Variants in LAMC1 observed in about 807,000 individuals in gnomAD.
The protein encoded by LAMC1 is laminin subunit gamma-1.
In LAMC1, 38 loss-of-function variants were observed where a neutral mutation model predicts 173.6. The observed-to-expected ratio is 0.22, with a 90% CI of 0.17 to 0.29. The LOEUF is 0.29. Among genes scored for constraint, LAMC1 ranks in the 10% least tolerant of loss-of-function variants. LAMC1 has a pLI of 1.00. For missense variants in LAMC1, 1,824 were observed against 2,051.8 expected, an observed-to-expected ratio of 0.89 and a Z score of 2.14; for synonymous variants, 746 against 749.1, an observed-to-expected ratio of 1.00 and a Z score of 0.07.
intron 1 of LAMC1, among the ~76,000 whole-genome samples, chr1:183,075,798 G>A (rs1655109801): frequency 1.3e-5 from 2 of 152,162 alleles, no homozygotes; most frequent in Admixed American, 6.5e-5. Flanking sequence ...ATAGTAGAGT[G>A]ATTGGAATGA....
chr1:183,110,741 C>T, intron 4 of LAMC1, 87 bp downstream of exon 4: 13 of 1,370,868 alleles, frequency 9.5e-6, no homozygotes, highest in Non-Finnish European at 1.3e-5. Flanking sequence ...TTTATTCCTC[C>T]TTGAAAGGAA....
At chr1:183,116,117 G>A (rs1292594970) in intron 6 of LAMC1, among the ~76,000 whole-genome samples, 6 of 133,794 alleles carry the variant, frequency 4.5e-5, no homozygotes, top group Non-Finnish European at 6.5e-5. Context: ...GTGACAGAGC[G>A]AGACTCTGTC....
intron 1 of LAMC1, among the ~76,000 whole-genome samples, chr1:183,050,962 A>G (rs1450359638): frequency 6.6e-6 from 1 of 151,624 alleles, no homozygotes; most frequent in Non-Finnish European, 1.5e-5. Context: ...TAGATGTTAC[A>G]GTCCTAAATT....
rs180825914 is a variant in LAMC1 at position 183,066,936 on chromosome 1, C to G, written c.419-36392C>G. On this transcript the variant is annotated intron_variant, in intron 1 of 27. Transcript: ENST00000258341. ...CTATGTAACAAACCTGCACATTCTG[C>G]ACATGTATCTGAGAACTTAAAGTAT... Among the ~76,000 whole-genome samples, 549 of 152,072 alleles carry G rather than the reference C, an allele frequency of 3.6e-3. 1 individual carries two copies. Among genetic ancestry groups the G allele is most frequent in the Non-Finnish European group, 5.3e-3 (359 of 67,994 alleles).
At chr1:183,081,288 A>G (rs145376934) in intron 1 of LAMC1, among the ~76,000 whole-genome samples, 3 of 152,150 alleles carry the variant, frequency 2.0e-5, no homozygotes, top group Admixed American at 6.5e-5. Context: ...AAATTTAGTA[A>G]TACTGTTTAA....
chr1:183,034,550 C>T (rs181839544), intron 1 of LAMC1, among the ~76,000 whole-genome samples: 26 of 152,278 alleles, frequency 1.7e-4, no homozygotes, highest in South Asian at 1.0e-3. Flanking sequence ...GGATTACAGG[C>T]GTGAGCCACC....
Position 183,142,903 on chromosome 1 carries a change from C to T in LAMC1, c.*113C>T. On this transcript the variant is annotated 3_prime_UTR_variant, in exon 28 of 28. Transcript: ENST00000258341. ...AGACCCCCACTCCTCTGCTGCTGTC[C>T]ATGACTGTCCTTTTGAACCAGGAAA... 2.6e-6 allele frequency: 3 copies of T among 1,133,234 alleles called. No homozygotes were observed. The highest frequency in any genetic ancestry group is 1.3e-6 in the Non-Finnish European group (1 of 798,062). The allele number at this position is 1,133,234 out of a possible 1,614,324, so 70.2% of individuals were successfully genotyped here. A position where few individuals can be genotyped will look rare whatever the true frequency, so the allele number is the denominator to read the frequency against.
At position 183,108,780 on chromosome 1, in the gene LAMC1, G is replaced by A. The variant is rs148640894; in HGVS notation, c.854+374G>A. ...CCTTCTTGGATCTTACACATGAACA[G>A]GGTAGGCAATGTATGAATATGTGAA... On this transcript the variant is annotated intron_variant, in intron 3 of 27. Transcript: ENST00000258341. 7.0e-4 allele frequency among the ~76,000 whole-genome samples: 106 copies of A among 152,324 alleles called. 1 individual carries two copies. Among genetic ancestry groups the A allele is most frequent in the Admixed American group, 2.6e-3 (40 of 15,294 alleles).
chr1:183,029,769 G>C (rs1353723867), intron 1 of LAMC1, among the ~76,000 whole-genome samples: 1 of 152,148 alleles, frequency 6.6e-6, no homozygotes, highest in Non-Finnish European at 1.5e-5. Context: ...AAACCATGAA[G>C]TTTTTGAAGG....
At chr1:183,133,585 G>A (rs762996895) in intron 22 of LAMC1, 35 bp downstream of exon 22, 50 of 1,566,096 alleles carry the variant, frequency 3.2e-5, no homozygotes, top group East Asian at 3.0e-4. Context: ...GCCCCACCCC[G>A]TCTCTCCCCC....
At chr1:183,140,175 CT>C (rs1657066454) in intron 26 of LAMC1, among the ~76,000 whole-genome samples, 1 of 137,488 alleles carries the variant, frequency 7.3e-6, no homozygotes, top group East Asian at 2.3e-4. Flanking sequence ...GGCATCCTGA[CT>C]GCCTAGTCAT....
chr1:183,037,659 CTT>C, intron 1 of LAMC1, among the ~76,000 whole-genome samples: 1 of 152,212 alleles, frequency 6.6e-6, no homozygotes, highest in East Asian at 1.9e-4. Context: ...TCCTCTCTCT[CTT>C]TCTGCCTCCC....
chr1:183,100,688 G>C (rs1459636795), intron 1 of LAMC1, among the ~76,000 whole-genome samples: 1 of 152,168 alleles, frequency 6.6e-6, no homozygotes, highest in East Asian at 1.9e-4. Context: ...TACTTCCCCT[G>C]TCATGGAGTC....
At chr1:183,131,659 G>T (rs1001413729) in intron 20 of LAMC1, among the ~76,000 whole-genome samples, 1 of 152,004 alleles carries the variant, frequency 6.6e-6, no homozygotes, top group Non-Finnish European at 1.5e-5. Flanking sequence ...AATATTTTTA[G>T]ATTTTTAACT....
intron 1 of LAMC1, among the ~76,000 whole-genome samples, chr1:183,084,945 G>GAA (rs1378488883): frequency 9.9e-5 from 15 of 152,258 alleles, no homozygotes; most frequent in African/African-American, 2.6e-4. Context: ...AGGAAGAAAT[G>GAA]TAAATTTGGC....
intron 1 of LAMC1, among the ~76,000 whole-genome samples, chr1:183,099,817 C>G (rs1655787623): frequency 6.6e-6 from 1 of 152,134 alleles, no homozygotes; most frequent in Non-Finnish European, 1.5e-5. Flanking sequence ...TGCTCACATC[C>G]AGCTCCCTAC....
In LAMC1 at chr1:183,023,557, G is replaced by T. The variant is rs904695765; in HGVS notation, c.-160G>T. 1.6e-5 allele frequency: 6 copies of T among 382,386 alleles called. No homozygotes were observed. The highest frequency in any genetic ancestry group is 1.3e-4 in the African/African-American group (6 of 46,408). The allele number at this position is 382,386 out of a possible 1,614,324, so 23.7% of individuals were successfully genotyped here. On this transcript the variant is annotated 5_prime_UTR_variant, in exon 1 of 28. Transcript: ENST00000258341. ...CGGTCCTCGCTAGGGGCGCCCACCC[G>T]TCAGTCTCTCCGGCGCGAGCCGCCG...
Position 183,142,734 on chromosome 1 carries a change from A to G in LAMC1, c.4774A>G (p.Ile1592Val), listed in dbSNP as rs775580280. ...GAAGGACATTCGCAATCTGGAGGAC[A>G]TCAGGAAGACCTTACCATCTGGCTG... ...IMKDIRNLEDIRKTLPSGCFN... is the reference protein window; with the variant it reads ...IMKDIRNLEDVRKTLPSGCFN... Residue 1592 changes from isoleucine (I) to valine (V), a missense_variant, in exon 28 of 28, where the codon ATC (isoleucine) becomes GTC (valine). By Grantham distance (29) the Ile-to-Val change is conservative. Transcript: ENST00000258341. 3.1e-6 allele frequency: 5 copies of G among 1,614,058 alleles called. No individual in the cohort carries two copies. The highest frequency in any genetic ancestry group is 4.2e-6 in the Non-Finnish European group (5 of 1,179,922).
intron 1 of LAMC1, among the ~76,000 whole-genome samples, chr1:183,049,244 G>T (rs1199405330): frequency 6.6e-6 from 1 of 152,060 alleles, no homozygotes; most frequent in African/African-American, 2.4e-5. Flanking sequence ...GCATCCCCAG[G>T]TGTAGAGAAG....
Sources: allele counts gnomAD v4.1 joint callset (sites outside exome capture counted in the v4.1 genomes callset), GRCh38; gene constraint gnomAD v4.1.1; transcripts MANE v1.5; gene names NCBI Gene and HGNC (gene_info 2026-07-23, HGNC 2026-07-21).